The following PPP1R12B variants were observed in gnomAD, a reference collection of about 807,000 sequenced individuals.
PPP1R12B encodes protein phosphatase 1 regulatory subunit 12B, also known as myosin phosphatase target subunit 2.
A neutral mutation model predicts 126.1 loss-of-function variants in PPP1R12B; 76 were observed. That is an observed-to-expected ratio of 0.60 (90% confidence interval 0.50 to 0.73). The LOEUF is 0.73. PPP1R12B is among the 30% of genes least tolerant of loss of function. The pLI is 0.00. For synonymous variants in PPP1R12B, 356 were observed against 434.7 expected, an observed-to-expected ratio of 0.82 and a Z score of 2.25; for missense variants, 1,052 against 1,205.1, an observed-to-expected ratio of 0.87 and a Z score of 1.88.
intron 23 of PPP1R12B, among the ~76,000 whole-genome samples, chr1:202,574,672 A>G (rs1043079534): frequency 2.6e-5 from 4 of 152,328 alleles, no homozygotes; most frequent in Admixed American, 6.5e-5. Context: ...AATTTGGTTC[A>G]GAAGGCTCCA....
At chr1:202,472,791 AG>A (rs1676111508) in intron 13 of PPP1R12B, among the ~76,000 whole-genome samples, 1 of 152,234 alleles carries the variant, frequency 6.6e-6, no homozygotes, top group Admixed American at 6.5e-5. Flanking sequence ...GCAAAGGACC[AG>A]GTAGTAAATA....
intron 18 of PPP1R12B, among the ~76,000 whole-genome samples, chr1:202,548,806 C>CTATATATATA (rs1378767072): frequency 1.2e-3 from 94 of 76,396 alleles, no homozygotes; most frequent in Non-Finnish European, 1.6e-3. Context: ...CTCTCTCTCT[C>CTATATATATA]TCTATATATA....
chr1:202,354,935 C>A (rs1656790274), intron 1 of PPP1R12B, among the ~76,000 whole-genome samples: 1 of 151,824 alleles, frequency 6.6e-6, no homozygotes, highest in Non-Finnish European at 1.5e-5. Context: ...ACGCCATTCT[C>A]CTGCCTCAGC....
intron 23 of PPP1R12B, chr1:202,575,253 G>A: frequency 7.2e-7 from 1 of 1,384,146 alleles, no homozygotes; most frequent in African/African-American, 1.4e-5. Flanking sequence ...CCATATGCAG[G>A]TTCCTGCAAA....
intron 8 of PPP1R12B, among the ~76,000 whole-genome samples, chr1:202,434,373 T>C (rs769120821): frequency 4.6e-5 from 7 of 152,116 alleles, no homozygotes; most frequent in Non-Finnish European, 8.8e-5. Context: ...AAAGGACAGA[T>C]TATAGATGGA....
chr1:202,446,213 A>ACTCTCTCTCTCT (rs3077313), intron 12 of PPP1R12B, among the ~76,000 whole-genome samples: 801 of 64,238 alleles, frequency 0.012, 16 homozygotes, highest in East Asian at 0.075. Context: ...ATATTATATT[A>ACTCTCTCTCTCT]CTCTCTCTCT....
At chr1:202,450,924 A>AT (rs1198156290) in intron 13 of PPP1R12B, among the ~76,000 whole-genome samples, 2 of 152,162 alleles carry the variant, frequency 1.3e-5, no homozygotes, top group Non-Finnish European at 2.9e-5. Flanking sequence ...TAGGGATTGT[A>AT]TTGAATCTGT....
chr1:202,438,641 A>T, intron 10 of PPP1R12B: 1 of 534,060 alleles, frequency 1.9e-6, no homozygotes, highest in South Asian at 1.8e-5. Context: ...CTGGCCCCGG[A>T]AGCAGCTGTT....
intron 15 of PPP1R12B, among the ~76,000 whole-genome samples, chr1:202,494,680 T>C (rs1679315619): frequency 6.7e-6 from 1 of 148,398 alleles, no homozygotes; most frequent in Non-Finnish European, 1.5e-5. Context: ...CACTCCAGCC[T>C]GGGCAACAGA....
In PPP1R12B at chr1:202,438,981, G is replaced by A. The variant is rs377177343; in HGVS notation, c.1458+957G>A. On this transcript the variant is annotated intron_variant, in intron 10 of 23. Transcript: ENST00000608999. Reference sequence around the variant, plus strand: ...CTGGAGATGCTCACAGGGCAGGAGCGCATGGCCCTGGCCAACCGGAAGCAG... The same window carrying A: ...CTGGAGATGCTCACAGGGCAGGAGCACATGGCCCTGGCCAACCGGAAGCAG... 164 of 1,507,566 alleles carry A rather than the reference G, an allele frequency of 1.1e-4. No individual in the cohort carries two copies. In the African/African-American group the frequency reaches 1.6e-3, roughly 14 times the overall value. 93.4% of individuals were successfully genotyped at this position (1,507,566 alleles called of 1,614,324 possible). A position where few individuals can be genotyped will look rare whatever the true frequency, so the allele number is the denominator to read the frequency against.
At chr1:202,382,100 A>G (rs1662378891) in intron 1 of PPP1R12B, among the ~76,000 whole-genome samples, 1 of 152,208 alleles carries the variant, frequency 6.6e-6, no homozygotes, top group African/African-American at 2.4e-5. Flanking sequence ...GCCATAAAAA[A>G]TGATGAGTTC....
At chr1:202,402,837 G>A (rs116404339) in intron 1 of PPP1R12B, among the ~76,000 whole-genome samples, 1,739 of 152,312 alleles carry the variant, frequency 0.011, 21 homozygotes, top group Non-Finnish European at 0.02. Flanking sequence ...GCTTTTCACT[G>A]TATGTAAATT....
chr1:202,496,130 A>G (rs1302662643), intron 17 of PPP1R12B, among the ~76,000 whole-genome samples: 2 of 152,348 alleles, frequency 1.3e-5, no homozygotes, highest in African/African-American at 4.8e-5. Context: ...CCTCTAAGTA[A>G]TACAAGTTCA....
intron 10 of PPP1R12B, chr1:202,439,579 G>C: frequency 7.5e-7 from 1 of 1,329,906 alleles, no homozygotes; most frequent in Non-Finnish European, 1.1e-6. Flanking sequence ...CCACCCAGGT[G>C]GCCGCCACCC....
rs562071242 is a variant in PPP1R12B, at chr1:202,439,869, G to T, written c.1459-837G>T. The T allele has an allele frequency of 1.6e-5, 5 of 318,086 alleles. No homozygotes were observed. The South Asian group carries it at 1.6e-4, about 10-fold the overall frequency. The allele number at this position is 318,086 out of a possible 1,614,324, so 19.7% of individuals were successfully genotyped here. A position where few individuals can be genotyped will look rare whatever the true frequency, so the allele number is the denominator to read the frequency against. ...TTTCTCCTCAACAGGTTTGGGGACA[G>T]CCCCTCCTGCCCTGCTTGCCCCACA... On this transcript the variant is annotated intron_variant, in intron 10 of 23. Coordinates refer to ENST00000608999, the MANE Select transcript of PPP1R12B (RefSeq NM_002481.4).
chr1:202,439,752 G>A (rs1365023510), intron 10 of PPP1R12B: 12 of 534,222 alleles, frequency 2.2e-5, no homozygotes, highest in East Asian at 6.5e-5. Flanking sequence ...GGAGGAATGC[G>A]CAGAGTGAGG....
At chr1:202,557,850 C>T (rs1687118293) in intron 18 of PPP1R12B, among the ~76,000 whole-genome samples, 1 of 152,154 alleles carries the variant, frequency 6.6e-6, no homozygotes, top group South Asian at 2.1e-4. Flanking sequence ...GTCATATGTG[C>T]TGTCACTGTA....
chr1:202,348,894 GCGCGAA>G lies in PPP1R12B; in HGVS notation c.44_49del (p.Ala15_Met17delinsVal), dbSNP rs1655397617. ...CCTAGGAGGGAAGCGGGCAGAGTCGGCGCGAATGCGGCGGGCAGAGCAGCTTCGGCG... is the reference window on the plus strand; with the variant it reads ...CCTAGGAGGGAAGCGGGCAGAGTCGGTGCGGCGGGCAGAGCAGCTTCGGCG... On this transcript the variant is annotated inframe_deletion, in exon 1 of 24. Transcript: ENST00000608999. 2 of 1,610,734 alleles carry G rather than the reference GCGCGAA, an allele frequency of 1.2e-6. No homozygotes were observed. Among genetic ancestry groups the G allele is most frequent in the African/African-American group, 1.3e-5 (1 of 74,856 alleles).
At position 202,349,037 on chromosome 1, in the gene PPP1R12B, T is replaced by G; in HGVS notation, c.186T>G (p.Phe62Leu). ...PRVRFEDGAV[F>L]LAACSSGDTD... Reference sequence around the variant, plus strand: ...TCCGCTTCGAGGACGGTGCTGTCTTTCTGGCCGCCTGCTCTAGCGGGGACA... The same window carrying G: ...TCCGCTTCGAGGACGGTGCTGTCTTGCTGGCCGCCTGCTCTAGCGGGGACA... Residue 62 changes from phenylalanine (F) to leucine (L), a missense_variant, in exon 1 of 24, where the codon TTT (phenylalanine) becomes TTG (leucine). Transcript: ENST00000608999. 6.2e-7 allele frequency: 1 copy of G among 1,613,430 alleles called. No individual in the cohort carries two copies. The highest frequency in any genetic ancestry group is 1.7e-5 in the Admixed American group (1 of 59,902).
Sources: gnomAD v4.1 joint callset for allele counts (sites outside exome capture counted in the v4.1 genomes callset) on GRCh38, gnomAD v4.1.1 for gene constraint, MANE v1.5 for transcripts, NCBI Gene and HGNC (gene_info 2026-07-23, HGNC 2026-07-21) for gene names.